Variants in ASIC2 observed in about 807,000 individuals in gnomAD.
ASIC2 encodes the protein acid sensing ion channel subunit 2.
In ASIC2, 25 loss-of-function variants were observed where a neutral mutation model predicts 57.3. The ratio of observed to expected loss-of-function variants is 0.44; its 90% CI spans 0.32 to 0.61. ASIC2 has a LOEUF of 0.61. Among genes scored for constraint, ASIC2 ranks in the 20% least tolerant of loss-of-function variants. The pLI is 0.06. For missense variants in ASIC2, 641 were observed against 738.1 expected, an observed-to-expected ratio of 0.87 and a Z score of 1.52; for synonymous variants, 319 against 307.5, an observed-to-expected ratio of 1.04 and a Z score of -0.39.
chr17:33,567,856 A>AT (rs532971482), intron 1 of ASIC2, among the ~76,000 whole-genome samples: 6,061 of 148,536 alleles, frequency 0.041, 147 homozygotes, highest in Middle Eastern at 0.072. Flanking sequence ...GATTCCATGC[A>AT]TTTTTTTTTT....
At position 33,291,261 on chromosome 17, in the gene ASIC2, G is replaced by A. The variant is rs1245935524; in HGVS notation, c.708+147C>T. On this transcript the variant is annotated intron_variant, in intron 1 of 9. Transcript: ENST00000225823. The stretch of plus-strand genomic sequence containing the variant: ...ACAACCTGCAGGAGAAGACTCAGGG[G>A]ACCCAAGAATGGGTTCTGCCTTGGC... The A allele has an allele frequency of 5.1e-5, 72 of 1,408,570 alleles. No homozygotes were observed. The East Asian group carries it at 1.8e-3, about 35-fold the overall frequency. 87.3% of individuals were successfully genotyped at this position (1,408,570 alleles called of 1,614,324 possible).
At chr17:33,440,186 C>T (rs936963142) in intron 1 of ASIC2, among the ~76,000 whole-genome samples, 3 of 152,160 alleles carry the variant, frequency 2.0e-5, no homozygotes, top group African/African-American at 7.2e-5. Context: ...AAACACTGAC[C>T]AGCTAGCTGT....
chr17:33,216,608 G>C (rs1907497235), intron 1 of ASIC2, among the ~76,000 whole-genome samples: 1 of 152,220 alleles, frequency 6.6e-6, no homozygotes, highest in Non-Finnish European at 1.5e-5. Flanking sequence ...TGGTTTCAAA[G>C]AGCCACCCCA....
At chr17:34,128,959 G>A (rs2142125893) in intron 1 of ASIC2, among the ~76,000 whole-genome samples, 1 of 152,196 alleles carries the variant, frequency 6.6e-6, no homozygotes, top group South Asian at 2.1e-4. Flanking sequence ...TCAACAAGTG[G>A]TTTCTTATAT....
chr17:33,191,932 T>G (rs1245359728), intron 1 of ASIC2, among the ~76,000 whole-genome samples: 1 of 152,288 alleles, frequency 6.6e-6, no homozygotes. Flanking sequence ...CATTATTCAG[T>G]GGAAGAGGGT....
chr17:33,021,664 C>CT (rs1244036208), intron 6 of ASIC2, among the ~76,000 whole-genome samples: 1 of 152,252 alleles, frequency 6.6e-6, no homozygotes, highest in Non-Finnish European at 1.5e-5. Flanking sequence ...TCTGACAAGG[C>CT]TTGTCTTGGC....
At chr17:34,107,197 A>C (rs1911093481) in intron 1 of ASIC2, among the ~76,000 whole-genome samples, 1 of 152,132 alleles carries the variant, frequency 6.6e-6, no homozygotes, top group South Asian at 2.1e-4. Context: ...GACCCTCGGT[A>C]TCATTTACAC....
intron 2 of ASIC2, among the ~76,000 whole-genome samples, chr17:33,105,470 C>T (rs941780986): frequency 6.6e-6 from 1 of 152,158 alleles, no homozygotes; most frequent in African/African-American, 2.4e-5. Context: ...TATGAATTAC[C>T]CAGTCTTGGT....
At chr17:33,094,438 A>T (rs73275892) in intron 2 of ASIC2, among the ~76,000 whole-genome samples, 5,961 of 151,646 alleles carry the variant, frequency 0.039, 354 homozygotes, top group African/African-American at 0.13. Flanking sequence ...AGGATGCTGC[A>T]CTCTCCTGTA....
intron 3 of ASIC2, among the ~76,000 whole-genome samples, chr17:33,076,143 TA>T (rs111640770): frequency 3.2e-4 from 48 of 151,002 alleles, no homozygotes; most frequent in East Asian, 2.1e-3. Context: ...CCAGGTAATT[TA>T]AAAAAAAAAT....
At chr17:33,698,819 T>C (rs1908608678) in intron 1 of ASIC2, among the ~76,000 whole-genome samples, 3 of 152,022 alleles carry the variant, frequency 2.0e-5, no homozygotes, top group Admixed American at 6.6e-5. Context: ...AAAGGAAAGA[T>C]GGAGACCCGC....
In ASIC2 at chr17:33,636,151, A is replaced by C. The variant is rs181003693; in HGVS notation, c.555+519827T>G. Reference sequence around the variant, plus strand: ...ATATATGTGGATATGTTATGTGCATATATACATATTAATACAGATTCAAAA... The same window carrying C: ...ATATATGTGGATATGTTATGTGCATCTATACATATTAATACAGATTCAAAA... On this transcript the variant is annotated intron_variant, in intron 1 of 9. Transcript: ENST00000359872. Among the ~76,000 whole-genome samples, 3 of 152,380 alleles carry C rather than the reference A, an allele frequency of 2.0e-5. No individual in the cohort carries two copies. The East Asian group carries it at 5.8e-4, about 29-fold the overall frequency.
rs2142093456 is a variant in ASIC2, at chr17:33,734,932, G to A, written c.555+421046C>T. The stretch of plus-strand genomic sequence containing the variant: ...CTTGTATTATGGCAACTCAAGTAGA[G>A]AATACACTTACTGTGTTCTGGCCAC... On this transcript the variant is annotated intron_variant, in intron 1 of 9. Transcript: ENST00000359872. Among the ~76,000 whole-genome samples, 3 of 152,274 alleles carry A rather than the reference G, an allele frequency of 2.0e-5. 1 individual carries two copies. The highest frequency in any genetic ancestry group is 6.8e-3 in the Middle Eastern group (2 of 294).
intron 3 of ASIC2, among the ~76,000 whole-genome samples, chr17:33,041,890 C>T (rs2091931360): frequency 6.6e-6 from 1 of 152,178 alleles, no homozygotes; most frequent in South Asian, 2.1e-4. Flanking sequence ...CTCCGAGAGG[C>T]CCTAGGTTCT....
intron 1 of ASIC2, among the ~76,000 whole-genome samples, chr17:33,585,644 G>A (rs1464344292): frequency 2.0e-5 from 3 of 152,182 alleles, no homozygotes; most frequent in African/African-American, 4.8e-5. Context: ...ATGGGAAACC[G>A]TGTAATGCTG....
intron 1 of ASIC2, among the ~76,000 whole-genome samples, chr17:33,765,753 A>G (rs1265693113): frequency 1.3e-5 from 2 of 152,188 alleles, no homozygotes; most frequent in Admixed American, 1.3e-4. Context: ...GACTGGTGCT[A>G]TCATGATTTG....
intron 1 of ASIC2, among the ~76,000 whole-genome samples, chr17:33,658,012 C>A (rs1907130707): frequency 6.6e-6 from 1 of 152,134 alleles, no homozygotes. Flanking sequence ...CTACAATAAG[C>A]CAGTCCAGAG....
At chr17:33,445,797 C>CAAA (rs60125160) in intron 1 of ASIC2, among the ~76,000 whole-genome samples, 18,179 of 120,374 alleles carry the variant, frequency 0.15, 1,566 homozygotes, top group East Asian at 0.21. Flanking sequence ...AACTCCATCT[C>CAAA]AAAAAAAAAA....
At chr17:33,043,301 C>T (rs2091937207) in intron 3 of ASIC2, among the ~76,000 whole-genome samples, 1 of 152,224 alleles carries the variant, frequency 6.6e-6, no homozygotes, top group Non-Finnish European at 1.5e-5. Flanking sequence ...GATTCAAAAG[C>T]AAGTTGGTCT....
Sources: gnomAD v4.1 joint callset for allele counts (sites outside exome capture counted in the v4.1 genomes callset) on GRCh38, gnomAD v4.1.1 for gene constraint, MANE v1.5 for transcripts, NCBI Gene and HGNC (gene_info 2026-07-23, HGNC 2026-07-21) for gene names.